ABCB10: variants seen among roughly 807,000 people sequenced by gnomAD.
The protein encoded by ABCB10 is ATP binding cassette subfamily B member 10.
In ABCB10, 54 loss-of-function variants were observed where a neutral mutation model predicts 65.4. The ratio of observed to expected loss-of-function variants is 0.83; its 90% CI spans 0.66 to 1.04. The LOEUF (loss-of-function observed/expected upper bound fraction) is 1.04, where lower values mean the gene tolerates loss of function less well. Among genes scored for constraint, ABCB10 ranks in the 50% least tolerant of loss-of-function variants. The probability of loss-of-function intolerance (pLI) is 0.00; values close to 1 mark genes in which losing one functional copy is unlikely to be tolerated. For missense variants in ABCB10, 846 were observed against 976.6 expected (o/e 0.87, Z 1.78); for synonymous variants, 418 against 406.5 (o/e 1.03, Z -0.34).
At chr1:229,548,653 T>C (rs1245938898) in intron 2 of ABCB10, among the ~76,000 whole-genome samples, 1 of 149,774 alleles carries the variant, frequency 6.7e-6, no homozygotes, top group Non-Finnish European at 1.5e-5. Context: ...GGGGCCTCAT[T>C]TTCTTTTTTT....
At chr1:229,533,677 C>T (rs912740683) in intron 6 of ABCB10, among the ~76,000 whole-genome samples, 17 of 152,140 alleles carry the variant, frequency 1.1e-4, no homozygotes, top group African/African-American at 1.9e-4. Flanking sequence ...GGAGATGCAA[C>T]GGCAATATAC....
chr1:229,523,050 C>A (rs12022203), intron 10 of ABCB10, among the ~76,000 whole-genome samples: 1 of 151,968 alleles, frequency 6.6e-6, no homozygotes. Flanking sequence ...TCTTTTTTTC[C>A]CCTCCTCTAG....
chr1:229,558,637 C>T lies in ABCB10; in HGVS notation c.16G>A (p.Ala6Thr). Residue 6 changes from alanine (A) to threonine (T), a missense_variant, in exon 1 of 13, where the codon GCC becomes ACC. Physicochemically the swap from Ala to Thr is moderately conservative, Grantham distance 58. Coordinates refer to ENST00000344517, the MANE Select transcript of ABCB10 (RefSeq NM_012089.3). MRGPPAWPLRLLEPPS... is the reference protein window; with the variant it reads MRGPPTWPLRLLEPPS... ...GGCTCGAGCAGCCGCAGCGGCCAGG[C>T]AGGGGGGCCTCGCATGGCGCTGCGT... 4 of 1,379,450 alleles carry T rather than the reference C, an allele frequency of 2.9e-6. No homozygotes were observed. The highest frequency in any genetic ancestry group is 3.7e-6 in the Non-Finnish European group (4 of 1,067,318). 85.5% of individuals were successfully genotyped at this position (1,379,450 alleles called of 1,614,324 possible).
At chr1:229,543,272 T>G (rs983971479) in intron 3 of ABCB10, among the ~76,000 whole-genome samples, 1 of 152,096 alleles carries the variant, frequency 6.6e-6, no homozygotes, top group Non-Finnish European at 1.5e-5. Flanking sequence ...GGGCTCAATA[T>G]ACTGAGGAGC....
chr1:229,554,651 T>C (rs1411534125), intron 1 of ABCB10, among the ~76,000 whole-genome samples: 2 of 152,246 alleles, frequency 1.3e-5, no homozygotes, highest in Non-Finnish European at 2.9e-5. Context: ...TTTTCTCTAC[T>C]GTCCTTCTGG....
chr1:229,555,832 C>G (rs1558130833), intron 1 of ABCB10, among the ~76,000 whole-genome samples: 1 of 151,784 alleles, frequency 6.6e-6, no homozygotes, highest in African/African-American at 2.4e-5. Flanking sequence ...TTTTTAATTA[C>G]AAATTAACAA....
chr1:229,530,115 A>G, intron 8 of ABCB10, 84 bp downstream of exon 8: 1 of 1,324,140 alleles, frequency 7.6e-7, no homozygotes, highest in East Asian at 2.3e-5. Context: ...AGGTATTTGC[A>G]TGGTTTGAGC....
intron 4 of ABCB10, among the ~76,000 whole-genome samples, chr1:229,541,984 A>G (rs1662860319): frequency 6.6e-6 from 1 of 152,060 alleles, no homozygotes. Flanking sequence ...AAGAAAGAAA[A>G]GAAATAGTGA....
At chr1:229,533,864 T>C (rs954494336) in intron 6 of ABCB10, among the ~76,000 whole-genome samples, 1 of 151,494 alleles carries the variant, frequency 6.6e-6, no homozygotes, top group South Asian at 2.1e-4. Context: ...GTAGATGACC[T>C]TGAATTTGGT....
intron 10 of ABCB10, among the ~76,000 whole-genome samples, chr1:229,523,617 C>G (rs1331002284): frequency 6.6e-6 from 1 of 152,048 alleles, no homozygotes; most frequent in African/African-American, 2.4e-5. Flanking sequence ...GGCTTAGGTC[C>G]CCTCTGAGTC....
chr1:229,535,062 A>AAAAAAC (rs1558123538), intron 6 of ABCB10: 1 of 149,892 alleles, frequency 6.7e-6, no homozygotes, highest in Admixed American at 6.7e-5. Context: ...AAAAAAAAAA[A>AAAAAAC]AAAAAACCTT....
chr1:229,536,722 G>C (rs937002477), intron 6 of ABCB10, among the ~76,000 whole-genome samples: 2 of 152,188 alleles, frequency 1.3e-5, no homozygotes, highest in African/African-American at 4.8e-5. Context: ...CTGGGAAGCA[G>C]AGGCAGGCAG....
Position 229,540,589 on chromosome 1 carries a change from C to T in ABCB10, c.1203+17G>A, listed in dbSNP as rs750189510. The T allele has an allele frequency of 6.9e-6, 11 of 1,598,370 alleles. No individual in the cohort carries two copies. Among genetic ancestry groups the T allele is most frequent in the Middle Eastern group, 2.3e-4 (1 of 4,378 alleles). ...TAACATTTGCCAATTTTACTTTTTC[C>T]AAAGTGATCTACTTACTGCTCCAAA... On this transcript the variant is annotated intron_variant, in intron 5 of 12. Coordinates refer to ENST00000344517, the MANE Select transcript of ABCB10 (RefSeq NM_012089.3).
intron 1 of ABCB10, among the ~76,000 whole-genome samples, chr1:229,552,112 A>C (rs756322641): frequency 4.6e-5 from 7 of 152,114 alleles, no homozygotes; most frequent in Non-Finnish European, 8.8e-5. Context: ...ATATCCCCCC[A>C]CACTTTTACT....
In ABCB10 at chr1:229,540,688, A is replaced by T. The variant is rs753338062; in HGVS notation, c.1121T>A (p.Ile374Asn). The stretch of plus-strand genomic sequence containing the variant: ...GTCCACTTTGCTGGCATATTTCTCG[A>T]TTTCAGTCATTTCTTTCCCAAAAGC... ...VRAFGKEMTE[I>N]EKYASKVDHV... The change falls in exon 5 of 13, where the codon ATC (isoleucine) becomes AAC (asparagine). Residue 374 changes from isoleucine (I) to asparagine (N), a missense_variant. Ile to Asn is a moderately radical substitution (Grantham distance 149, BLOSUM62 -3). This residue lies in a region of ABCB10 where 632 missense variants were observed against 803.2 expected (regional missense o/e 0.79). Transcript: ENST00000344517. 1.2e-6 allele frequency: 2 copies of T among 1,613,352 alleles called. No individual in the cohort carries two copies. The highest frequency in any genetic ancestry group is 3.3e-5 in the Admixed American group (2 of 60,006).
At chr1:229,546,707 C>T (rs575491197) in intron 3 of ABCB10, among the ~76,000 whole-genome samples, 48 of 151,740 alleles carry the variant, frequency 3.2e-4, no homozygotes, top group Admixed American at 1.6e-3. Context: ...CCTGCCTCTA[C>T]AAAAAATATA....
At chr1:229,540,535 A>G in intron 5 of ABCB10, 71 bp downstream of exon 5, 8 of 1,426,612 alleles carry the variant, frequency 5.6e-6, no homozygotes, top group Non-Finnish European at 7.5e-6. Flanking sequence ...ACTTATGCTG[A>G]GCACCACAGA....
At chr1:229,526,263 T>C in intron 9 of ABCB10, 147 bp from the exon 10 acceptor site, 1 of 859,674 alleles carries the variant, frequency 1.2e-6, no homozygotes, top group East Asian at 2.8e-5. Context: ...CTGCAAGCAA[T>C]GAGACCTCAC....
chr1:229,547,633 A>G lies in ABCB10; in HGVS notation c.787T>C (p.Phe263Leu), dbSNP rs375961531. 4 of 1,614,258 alleles carry G rather than the reference A, an allele frequency of 2.5e-6. No homozygotes were observed. Among genetic ancestry groups the G allele is most frequent in the Non-Finnish European group, 3.4e-6 (4 of 1,180,048 alleles). Residue 263 changes from phenylalanine to leucine, a missense_variant, in exon 3 of 13, where the codon TTT becomes CTT. Physicochemically the swap from Phe to Leu is conservative, Grantham distance 22. Transcript: ENST00000344517. ...SSILRQEVAFFDKTRTGELIN... is the reference protein window; with the variant it reads ...SSILRQEVAFLDKTRTGELIN... ...AATTCTCCTGTGCGAGTCTTGTCAA[A>G]GAAAGCAACCTCCTGCCTCAGAATG...
Sources: allele counts gnomAD v4.1 joint callset (sites outside exome capture counted in the v4.1 genomes callset), GRCh38; gene constraint gnomAD v4.1.1; regional missense constraint gnomAD v4.1.1; transcripts MANE v1.5; gene names NCBI Gene and HGNC (gene_info 2026-07-23, HGNC 2026-07-21).